Variants in EYS observed in about 807,000 individuals in gnomAD.
The protein encoded by EYS is protein eyes shut homolog.
In EYS, 250 loss-of-function variants were observed where a neutral mutation model predicts 282.1. The ratio of observed to expected loss-of-function variants is 0.89; its 90% CI spans 0.80 to 0.98. The LOEUF is 0.98. Ranked by LOEUF, EYS falls within the 50% of genes least tolerant of loss-of-function variation. The probability of loss-of-function intolerance (pLI) is 0.00; values close to 1 mark genes in which losing one functional copy is unlikely to be tolerated. For synonymous variants in EYS, 1,355 were observed against 1,282.9 expected, an observed-to-expected ratio of 1.06 and a Z score of -1.20; for missense variants, 4,016 against 3,709.0, an observed-to-expected ratio of 1.08 and a Z score of -2.15.
intron 12 of EYS, among the ~76,000 whole-genome samples, chr6:65,293,224 T>C (rs764257462): frequency 2.0e-5 from 3 of 150,438 alleles, no homozygotes; most frequent in Non-Finnish European, 4.4e-5. Flanking sequence ...ACAATACTAG[T>C]GCTGAAAGTG....
intron 31 of EYS, among the ~76,000 whole-genome samples, chr6:64,083,576 A>G (rs1302296747): frequency 1.3e-5 from 2 of 152,178 alleles, no homozygotes; most frequent in Non-Finnish European, 2.9e-5. Flanking sequence ...AGTAAAGAAG[A>G]GCTGTTAGAA....
intron 22 of EYS, among the ~76,000 whole-genome samples, chr6:64,666,904 C>G (rs1006314177): frequency 2.6e-5 from 4 of 152,160 alleles, no homozygotes; most frequent in South Asian, 2.1e-4. Context: ...AAATATTTCT[C>G]AATTCTTTCA....
chr6:65,318,382 A>G (rs1011418524), intron 11 of EYS, among the ~76,000 whole-genome samples: 2 of 150,970 alleles, frequency 1.3e-5, no homozygotes, highest in East Asian at 2.0e-4. Context: ...ATGACTTACC[A>G]TCACTTCCAC....
rs559753581 is a variant in EYS, at chr6:65,048,772, C to G, written c.2137+8842G>C. 5.9e-5 allele frequency among the ~76,000 whole-genome samples: 9 copies of G among 151,904 alleles called. No homozygotes were observed. The South Asian group carries it at 1.7e-3, about 28-fold the overall frequency. On this transcript the variant is annotated intron_variant, in intron 13 of 42. Coordinates refer to ENST00000503581, the MANE Select transcript of EYS (RefSeq NM_001142800.2). ...TAAAGCAACAATCCATTTATCCGAC[C>G]TAGGAAACTGAACATCATTTTCTTT...
chr6:64,571,662 A>G (rs1765729453), intron 26 of EYS, among the ~76,000 whole-genome samples: 1 of 152,334 alleles, frequency 6.6e-6, no homozygotes. Flanking sequence ...CTATGCAAAT[A>G]AACTATAAAA....
At chr6:64,282,559 T>C (rs945362405) in intron 30 of EYS, among the ~76,000 whole-genome samples, 4 of 152,214 alleles carry the variant, frequency 2.6e-5, no homozygotes, top group Non-Finnish European at 4.4e-5. Flanking sequence ...CTTTAAGTCT[T>C]CCAGCTGAGG....
At chr6:64,642,716 A>C (rs929148548) in intron 22 of EYS, among the ~76,000 whole-genome samples, 1 of 152,208 alleles carries the variant, frequency 6.6e-6, no homozygotes, top group African/African-American at 2.4e-5. Flanking sequence ...AAAGCAAACA[A>C]ACAACAACAA....
chr6:64,238,928 G>A (rs1280811847), intron 30 of EYS, among the ~76,000 whole-genome samples: 3 of 152,034 alleles, frequency 2.0e-5, no homozygotes, highest in Admixed American at 1.3e-4. Flanking sequence ...ACAAGCCCTG[G>A]TTTGTGATGT....
intron 19 of EYS, among the ~76,000 whole-genome samples, chr6:64,876,746 GA>G (rs773920777): frequency 3.2e-4 from 49 of 152,020 alleles, no homozygotes; most frequent in Non-Finnish European, 5.3e-4. Flanking sequence ...AAATAATACA[GA>G]AAAGCATGCT....
chr6:64,928,861 A>G (rs187015833), intron 15 of EYS, among the ~76,000 whole-genome samples: 38 of 152,250 alleles, frequency 2.5e-4, no homozygotes, highest in African/African-American at 8.2e-4. Context: ...AAGCAAAATT[A>G]TCTTTGAATA....
At chr6:63,994,922 A>T (rs967857616) in intron 34 of EYS, among the ~76,000 whole-genome samples, 1 of 151,750 alleles carries the variant, frequency 6.6e-6, no homozygotes, top group African/African-American at 2.4e-5. Context: ...AAACCATAAA[A>T]CCCCTAGAGG....
intron 12 of EYS, among the ~76,000 whole-genome samples, chr6:65,264,112 A>C (rs1029670438): frequency 6.6e-6 from 1 of 152,106 alleles, no homozygotes; most frequent in South Asian, 2.1e-4. Flanking sequence ...TTCTATTTAA[A>C]AAAATTAATC....
At chr6:64,135,802 C>A (rs550015594) in intron 31 of EYS, among the ~76,000 whole-genome samples, 2 of 152,194 alleles carry the variant, frequency 1.3e-5, no homozygotes, top group South Asian at 4.1e-4. Flanking sequence ...TGCTCATGAT[C>A]ATCTGAGCCT....
At chr6:64,102,266 T>C in intron 31 of EYS, among the ~76,000 whole-genome samples, 1 of 152,144 alleles carries the variant, frequency 6.6e-6, no homozygotes, top group Middle Eastern at 3.2e-3. Flanking sequence ...GTAAAATACA[T>C]AGAAAATTGC....
In EYS at chr6:64,609,726, T is replaced by C. The variant is rs79752375; in HGVS notation, c.3684+7692A>G. On this transcript the variant is annotated intron_variant, in intron 24 of 42. Coordinates refer to ENST00000503581, the MANE Select transcript of EYS (RefSeq NM_001142800.2). ...AGTGAGACCTCATCTCTACAAAAAA[T>C]ATTATAAAAAGTTAGCTGGTTGTGG... is the stretch of plus-strand genomic sequence containing the variant. 3.3e-3 allele frequency among the ~76,000 whole-genome samples: 494 copies of C among 151,864 alleles called. 1 individual carries two copies. Among genetic ancestry groups the C allele is most frequent in the African/African-American group, 0.011 (468 of 41,414 alleles).
At chr6:65,113,251 C>A (rs1164924004) in intron 12 of EYS, among the ~76,000 whole-genome samples, 1 of 151,940 alleles carries the variant, frequency 6.6e-6, no homozygotes, top group African/African-American at 2.4e-5. Flanking sequence ...TCAGTGAAAC[C>A]TAAATGTATT....
At chr6:63,746,535 G>T (rs1286434662) in intron 41 of EYS, among the ~76,000 whole-genome samples, 1 of 152,096 alleles carries the variant, frequency 6.6e-6, no homozygotes, top group Non-Finnish European at 1.5e-5. Context: ...GTAGAATTTG[G>T]CTGTGAATTC....
chr6:64,416,377 T>C (rs1405950357), intron 28 of EYS, among the ~76,000 whole-genome samples: 1 of 152,204 alleles, frequency 6.6e-6, no homozygotes, highest in Non-Finnish European at 1.5e-5. Context: ...TAGTCTCATC[T>C]ATGGCAGCTG....
intron 2 of EYS, among the ~76,000 whole-genome samples, chr6:65,513,200 T>A (rs1766967659): frequency 6.6e-6 from 1 of 152,060 alleles, no homozygotes; most frequent in African/African-American, 2.4e-5. Flanking sequence ...AAGAAATGGA[T>A]AAATTCCTCC....
Sources: allele counts gnomAD v4.1 joint callset (sites outside exome capture counted in the v4.1 genomes callset), GRCh38; gene constraint gnomAD v4.1.1; transcripts MANE v1.5; gene names NCBI Gene and HGNC (gene_info 2026-07-23, HGNC 2026-07-21).